The following SLC44A5 variants were observed in gnomAD, a reference collection of about 807,000 sequenced individuals.
The protein encoded by SLC44A5 is choline transporter-like protein 5.
Under a neutral mutation model 101.8 loss-of-function variants are expected in SLC44A5, and 57 were observed. That is an observed-to-expected ratio of 0.56 (90% CI 0.45 to 0.70). The LOEUF is 0.70. SLC44A5 is among the 30% of genes least tolerant of loss of function. SLC44A5 has a pLI of 0.00. For synonymous variants in SLC44A5, 281 were observed against 290.9 expected, an observed-to-expected ratio of 0.97 and a Z score of 0.35; for missense variants, 737 against 853.1, an observed-to-expected ratio of 0.86 and a Z score of 1.70.
At chr1:75,588,100 AGTAGTTTACTCG>A (rs1674124214) in intron 1 of SLC44A5, among the ~76,000 whole-genome samples, 2 of 152,176 alleles carry the variant, frequency 1.3e-5, no homozygotes, top group South Asian at 4.1e-4. Context: ...TGAGGCTGAA[AGTAGTTTACTCG>A]ATAAAGCCCT....
intron 5 of SLC44A5, among the ~76,000 whole-genome samples, chr1:75,289,029 A>G (rs1267695872): frequency 6.6e-6 from 1 of 152,224 alleles, no homozygotes; most frequent in Non-Finnish European, 1.5e-5. Flanking sequence ...GTGCTAATGG[A>G]TAGGAGAAAA....
At chr1:75,404,947 G>C (rs1662747961) in intron 2 of SLC44A5, among the ~76,000 whole-genome samples, 1 of 152,294 alleles carries the variant, frequency 6.6e-6, no homozygotes, top group African/African-American at 2.4e-5. Flanking sequence ...ATATTCAGGA[G>C]ACCCATCTCA....
At chr1:75,525,068 A>C (rs1670339506) in intron 2 of SLC44A5, among the ~76,000 whole-genome samples, 4 of 152,180 alleles carry the variant, frequency 2.6e-5, no homozygotes. Flanking sequence ...AATGATATAA[A>C]TTAGAAAAAT....
chr1:75,451,730 G>A (rs1665918938), intron 2 of SLC44A5, among the ~76,000 whole-genome samples: 1 of 151,898 alleles, frequency 6.6e-6, no homozygotes, highest in African/African-American at 2.4e-5. Context: ...TGAGAGACTA[G>A]ACCAAGAAAA....
At chr1:75,397,008 C>A (rs1662167779) in intron 2 of SLC44A5, among the ~76,000 whole-genome samples, 1 of 152,132 alleles carries the variant, frequency 6.6e-6, no homozygotes. Context: ...CTTCAGAAGA[C>A]ACATTAGTCA....
In SLC44A5 at chr1:75,373,522, G is replaced by A. The variant is rs144853989; in HGVS notation, c.52+23061C>T. ...AACCCTGAAGGTTTCAAGGTGGCAC[G>A]TGGTGCAGCAGCAACTAAACGTGAC... is the stretch of plus-strand genomic sequence containing the variant. On this transcript the variant is annotated intron_variant, in intron 3 of 23. Transcript: ENST00000370859. 1.5e-3 allele frequency among the ~76,000 whole-genome samples: 225 copies of A among 152,306 alleles called. 2 individuals carry two copies. The highest frequency in any genetic ancestry group is 5.3e-3 in the African/African-American group (219 of 41,568).
chr1:75,716,167 G>A, the SLC44A5 span, among the ~76,000 whole-genome samples: 1 of 152,142 alleles, frequency 6.6e-6, no homozygotes, highest in African/African-American at 2.4e-5. Flanking sequence ...CATAACAGAT[G>A]CTGGCAAGGT....
chr1:75,678,091 G>A, the SLC44A5 span, among the ~76,000 whole-genome samples: 1 of 152,322 alleles, frequency 6.6e-6, no homozygotes, highest in Admixed American at 6.5e-5. Flanking sequence ...ATTATATCCT[G>A]CACCTGGCTC....
chr1:75,397,297 C>T (rs1662186300), intron 2 of SLC44A5, among the ~76,000 whole-genome samples: 1 of 152,152 alleles, frequency 6.6e-6, no homozygotes, highest in Non-Finnish European at 1.5e-5. Flanking sequence ...TAAACAAAAA[C>T]ACTAATGCTT....
the SLC44A5 span, among the ~76,000 whole-genome samples, chr1:75,672,346 C>T: frequency 6.6e-6 from 1 of 152,066 alleles, no homozygotes; most frequent in Non-Finnish European, 1.5e-5. Flanking sequence ...GCCGCACTGT[C>T]ACAGTGGAAA....
intron 2 of SLC44A5, among the ~76,000 whole-genome samples, chr1:75,516,381 G>A (rs1041514392): frequency 2.0e-5 from 3 of 152,118 alleles, no homozygotes; most frequent in South Asian, 2.1e-4. Context: ...GGGCGTGGTG[G>A]TGGCGGGCGC....
the SLC44A5 span, among the ~76,000 whole-genome samples, chr1:75,669,956 T>C: frequency 3.3e-5 from 5 of 152,234 alleles, no homozygotes; most frequent in African/African-American, 1.2e-4. Flanking sequence ...GAAAAACAAA[T>C]ATGGAACCTA....
At chr1:75,635,573 G>A in the SLC44A5 span, among the ~76,000 whole-genome samples, 28 of 147,442 alleles carry the variant, frequency 1.9e-4, no homozygotes, top group African/African-American at 5.3e-4. Context: ...ACCAAACACC[G>A]CATGTTCTCA....
chr1:75,227,735 A>C lies in SLC44A5; in HGVS notation c.976T>G (p.Phe326Val), dbSNP rs1367963028. ...SMYFELQQTWFTFMIILCIIE... is the reference protein window; with the variant it reads ...SMYFELQQTWVTFMIILCIIE... ...TTTTTAAAATACTCACTAAATGTGA[A>C]CCATGTTTGTTGCAGTTCAAAGTAC... The change falls in exon 13 of 24, where the codon TTC becomes GTC. Residue 326 changes from phenylalanine (F) to valine (V), a missense_variant. By Grantham distance (50) the Phe-to-Val change is conservative. Around this residue, in one of 3 missense-constraint regions of SLC44A5, gnomAD observed 665 missense variants for 764.4 expected, o/e 0.87. Coordinates refer to ENST00000370859, the MANE Select transcript of SLC44A5 (RefSeq NM_001130058.2). 1 of 1,555,308 alleles carries C rather than the reference A, an allele frequency of 6.4e-7. No individual in the cohort carries two copies. The highest frequency in any genetic ancestry group is 2.4e-5 in the East Asian group (1 of 42,286).
intron 5 of SLC44A5, among the ~76,000 whole-genome samples, chr1:75,280,623 T>G (rs1354640269): frequency 1.3e-5 from 2 of 150,058 alleles, no homozygotes; most frequent in African/African-American, 4.9e-5. Flanking sequence ...GTTATCCAAA[T>G]TATAATCCTC....
the SLC44A5 span, among the ~76,000 whole-genome samples, chr1:75,665,136 A>T: frequency 2.0e-5 from 3 of 152,136 alleles, no homozygotes; most frequent in East Asian, 1.9e-4. Flanking sequence ...ACAAACAAAA[A>T]AAAGAACTCA....
At chr1:75,224,639 T>C (rs1647159179) in intron 13 of SLC44A5, among the ~76,000 whole-genome samples, 1 of 152,152 alleles carries the variant, frequency 6.6e-6, no homozygotes, top group Non-Finnish European at 1.5e-5. Flanking sequence ...TCTCATTCTG[T>C]TGCCCAGGCT....
At chr1:75,367,905 A>G (rs1659969525) in intron 3 of SLC44A5, among the ~76,000 whole-genome samples, 1 of 152,206 alleles carries the variant, frequency 6.6e-6, no homozygotes, top group East Asian at 1.9e-4. Flanking sequence ...TGGAGTTGGG[A>G]GAATATGAAA....
the SLC44A5 span, among the ~76,000 whole-genome samples, chr1:75,659,959 C>A: frequency 6.6e-6 from 1 of 151,940 alleles, no homozygotes; most frequent in Non-Finnish European, 1.5e-5. Context: ...AATCAAAGCA[C>A]CTTGGAGGCC....
Sources: gnomAD v4.1 joint callset for allele counts (sites outside exome capture counted in the v4.1 genomes callset) on GRCh38, gnomAD v4.1.1 for gene constraint, gnomAD v4.1.1 regional missense constraint, MANE v1.5 for transcripts, NCBI Gene and HGNC (gene_info 2026-07-23, HGNC 2026-07-21) for gene names.